TDRD1: variants seen among roughly 807,000 people sequenced by gnomAD.
TDRD1 encodes tudor domain-containing protein 1.
A neutral mutation model predicts 140.6 loss-of-function variants in TDRD1; 37 were observed. That is an observed-to-expected ratio of 0.26 (90% CI 0.20 to 0.35). The LOEUF (loss-of-function observed/expected upper bound fraction) is 0.35. Ranked by LOEUF, TDRD1 falls within the 10% of genes least tolerant of loss-of-function variation. The pLI is 1.00. For synonymous variants in TDRD1, 506 were observed against 475.7 expected (o/e 1.06, Z -0.83); for missense variants, 1,243 against 1,393.0 (o/e 0.89, Z 1.71).
chr10:114,181,877 C>A (rs1165950160), intron 1 of TDRD1, among the ~76,000 whole-genome samples: 1 of 151,844 alleles, frequency 6.6e-6, no homozygotes, highest in African/African-American at 2.4e-5. Context: ...CCCTTAAAAG[C>A]CTATTCTGTA....
chr10:114,175,402 C>G (rs1260667315), upstream of TDRD1, among the ~76,000 whole-genome samples: 1 of 151,816 alleles, frequency 6.6e-6, no homozygotes, highest in Non-Finnish European at 1.5e-5. Flanking sequence ...CAAATATAAA[C>G]CAAAGACATT....
In TDRD1 at chr10:114,202,211, A is replaced by G. The variant is rs199569573; in HGVS notation, c.636-27A>G. ...TATGTTAATTGCCTCTGTAGTATAA[A>G]TATTGTAATCTGTTGCTTTATTGCA... On this transcript the variant is annotated intron_variant, in intron 5 of 25. Coordinates refer to ENST00000251864, the Ensembl canonical transcript of TDRD1. 182 of 1,577,866 alleles carry G rather than the reference A, an allele frequency of 1.2e-4. 1 individual carries two copies. The South Asian group carries it at 2.0e-3, about 18-fold the overall frequency.
intron 16 of TDRD1, among the ~76,000 whole-genome samples, chr10:114,215,395 A>T (rs1261614178): frequency 6.6e-6 from 1 of 152,120 alleles, no homozygotes; most frequent in East Asian, 1.9e-4. Context: ...AGGCATTTTC[A>T]TGGAGTCCAA....
intron 1 of TDRD1, among the ~76,000 whole-genome samples, chr10:114,181,200 A>G (rs2033033019): frequency 6.6e-6 from 1 of 152,250 alleles, no homozygotes; most frequent in African/African-American, 2.4e-5. Flanking sequence ...TCTTTAACGT[A>G]GAGAAATGTT....
At chr10:114,208,914 G>C (rs1409906969) in intron 11 of TDRD1, among the ~76,000 whole-genome samples, 1 of 151,772 alleles carries the variant, frequency 6.6e-6, no homozygotes, top group African/African-American at 2.4e-5. Flanking sequence ...GCTGGGACTA[G>C]TAGGTGGGAG....
At chr10:114,217,421 T>C (rs1025569455) in intron 16 of TDRD1, 124 bp from the exon 17 acceptor site, 1 of 538,766 alleles carries the variant, frequency 1.9e-6, no homozygotes, top group Non-Finnish European at 3.3e-6. Context: ...TGGGTAGACT[T>C]AATAGTAGTT....
intron 1 of TDRD1, among the ~76,000 whole-genome samples, chr10:114,186,702 C>T (rs146158877): frequency 1.8e-4 from 27 of 152,286 alleles, no homozygotes; most frequent in Non-Finnish European, 3.5e-4. Context: ...TCTCCCCCAT[C>T]GCTGCCCACC....
At chr10:114,192,397 G>C (rs1186315044) in intron 3 of TDRD1, among the ~76,000 whole-genome samples, 1 of 141,268 alleles carries the variant, frequency 7.1e-6, no homozygotes, top group Non-Finnish European at 1.5e-5. Flanking sequence ...TCCGCCTCCT[G>C]GGTTTACGCC....
In TDRD1 at chr10:114,202,113, A is replaced by G. The variant is rs1333196635; in HGVS notation, c.636-125A>G. 6.2e-5 allele frequency: 43 copies of G among 694,084 alleles called. No homozygotes were observed. The East Asian group carries it at 1.2e-3, about 19-fold the overall frequency. 43.0% of individuals were successfully genotyped at this position (694,084 alleles called of 1,614,324 possible). On this transcript the variant is annotated intron_variant, in intron 5 of 25. Transcript: ENST00000251864. Reference sequence around the variant, plus strand: ...TGGGGAGTTTTACATTACCACTGTGATTCTGGAAGAAGCTGTTTTGCTCTT... The same window carrying G: ...TGGGGAGTTTTACATTACCACTGTGGTTCTGGAAGAAGCTGTTTTGCTCTT...
intron 16 of TDRD1, 53 bp downstream of exon 16, chr10:114,214,167 A>G (rs2035662666): frequency 6.6e-7 from 1 of 1,504,322 alleles, no homozygotes; most frequent in Non-Finnish European, 9.2e-7. Context: ...GGCATAGATA[A>G]TAACTTCACA....
chr10:114,195,231 A>T (rs1431497809), intron 3 of TDRD1, among the ~76,000 whole-genome samples: 4 of 152,066 alleles, frequency 2.6e-5, no homozygotes, highest in African/African-American at 9.7e-5. Context: ...CAGTTCTTTT[A>T]AGTTTGTTGA....
Position 114,200,912 on chromosome 10 carries a change from G to A in TDRD1, c.530-498G>A, listed in dbSNP as rs184801141. On this transcript the variant is annotated intron_variant, in intron 4 of 25. Transcript: ENST00000251864. ...TCTGTCACCCAGGCTGTGGAGTGCA[G>A]TGGTACAATCTCAGCTCACTGCAAC... Among the ~76,000 whole-genome samples, 560 of 139,192 alleles carry A rather than the reference G, an allele frequency of 4.0e-3. 3 individuals are homozygous for A. Among genetic ancestry groups the A allele is most frequent in the African/African-American group, 0.014 (521 of 36,626 alleles). 91.3% of individuals were successfully genotyped at this position (139,192 alleles called of 152,430 possible).
chr10:114,199,289 C>T (rs777790153), exon 4 of TDRD1: 2 of 1,612,174 alleles, frequency 1.2e-6, no homozygotes, highest in Non-Finnish European at 1.7e-6. Context: ...CTCTTCGGTC[C>T]ACAACTTGCC....
At chr10:114,198,208 G>A (rs943510396) in intron 3 of TDRD1, among the ~76,000 whole-genome samples, 3 of 152,162 alleles carry the variant, frequency 2.0e-5, no homozygotes, top group Admixed American at 2.0e-4. Flanking sequence ...TGACACGGGT[G>A]GAGAGAGGCC....
intron 25 of TDRD1, among the ~76,000 whole-genome samples, chr10:114,230,941 C>T (rs545322751): frequency 4.1e-4 from 62 of 152,226 alleles, no homozygotes; most frequent in African/African-American, 1.4e-3. Context: ...GTGGCGTGCA[C>T]CTGTAGTCCC....
At position 114,220,789 on chromosome 10, in the gene TDRD1, A is replaced by G. The variant is rs769820623; in HGVS notation, c.2716A>G (p.Asn906Asp). 8.7e-6 allele frequency: 14 copies of G among 1,612,086 alleles called. 1 individual carries two copies. The South Asian group carries it at 1.4e-4, about 16-fold the overall frequency. The change falls in exon 19 of 26, where the codon AAT becomes GAT. Residue 906 changes from asparagine to aspartate, a missense_variant. Physicochemically the swap from Asn to Asp is conservative, Grantham distance 23. Transcript: ENST00000251864. ...TGCTTCACCACATAAAGACTTACCA[A>G]ATGACAGACTTGTTAATAAACATGA...
intron 3 of TDRD1, 88 bp from the exon 4 acceptor site, chr10:114,199,085 T>G (rs2034558578): frequency 1.9e-5 from 27 of 1,401,086 alleles, no homozygotes; most frequent in Non-Finnish European, 2.6e-5. Flanking sequence ...TACATCTACT[T>G]GATCTTATCT....
intron 1 of TDRD1, among the ~76,000 whole-genome samples, chr10:114,181,956 A>G (rs1386623478): frequency 6.6e-6 from 1 of 152,184 alleles, no homozygotes; most frequent in Non-Finnish European, 1.5e-5. Context: ...CAAAGAAATC[A>G]AAGTCCATGT....
chr10:114,188,278 A>G (rs958943600), intron 2 of TDRD1, 122 bp downstream of exon 2: 16 of 802,394 alleles, frequency 2.0e-5, no homozygotes, highest in Non-Finnish European at 2.8e-5. Flanking sequence ...ACCTTACCGT[A>G]TTTGCATTTC....
Sources: allele counts gnomAD v4.1 joint callset (sites outside exome capture counted in the v4.1 genomes callset), GRCh38; gene constraint gnomAD v4.1.1; transcripts MANE v1.5; gene names NCBI Gene and HGNC (gene_info 2026-07-23, HGNC 2026-07-21).